The following OTOF variants were observed in gnomAD, a reference collection of about 807,000 sequenced individuals.
OTOF encodes fer-1-like family member 2.
A neutral mutation model predicts 236.8 loss-of-function variants in OTOF; 218 were observed. The ratio of observed to expected loss-of-function variants is 0.92; its 90% confidence interval spans 0.82 to 1.03. OTOF has a LOEUF of 1.03. Ranked by LOEUF, OTOF falls within the 50% of genes least tolerant of loss-of-function variation. OTOF has a pLI of 0.00. For synonymous variants in OTOF, 1,041 were observed against 1,072.5 expected, an observed-to-expected ratio of 0.97 and a Z score of 0.57; for missense variants, 2,590 against 2,694.4, an observed-to-expected ratio of 0.96 and a Z score of 0.86.
intron 30 of OTOF, chr2:26,472,197 C>G (rs1043950814): frequency 4.9e-6 from 2 of 410,820 alleles, no homozygotes; most frequent in Non-Finnish European, 9.3e-6. Context: ...CATACATGCA[C>G]GATGCACATA....
intron 13 of OTOF, among the ~76,000 whole-genome samples, chr2:26,483,051 ATG>A (rs1279265663): frequency 2.3e-5 from 2 of 86,882 alleles, no homozygotes; most frequent in African/African-American, 9.1e-5. Context: ...GCATGTGTGC[ATG>A]TGTGAGTGGG....
At chr2:26,512,033 G>T (rs577162939) in intron 5 of OTOF, among the ~76,000 whole-genome samples, 1 of 152,278 alleles carries the variant, frequency 6.6e-6, no homozygotes, top group African/African-American at 2.4e-5. Flanking sequence ...CCTGGCTTCT[G>T]CAGGCCTCCA....
In OTOF at chr2:26,457,782, A is replaced by G; in HGVS notation, c.*456T>C. ...GGGTGGCGCCTCAGCCAGGTGGGGC[A>G]AGAGAGACCCATTCCAGGTCCCCAC... is the stretch of plus-strand genomic sequence containing the variant. On this transcript the variant is annotated 3_prime_UTR_variant, in exon 47 of 47. Transcript: ENST00000272371. The surrounding 1 kb of genome is among the most constrained non-coding windows in gnomAD (Gnocchi z 4.4). The G allele has an allele frequency of 2.0e-6, 1 of 502,600 alleles. No individual in the cohort carries two copies. The highest frequency in any genetic ancestry group is 3.6e-6 in the Non-Finnish European group (1 of 281,328). 31.1% of individuals were successfully genotyped at this position (502,600 alleles called of 1,614,324 possible). A position where few individuals can be genotyped will look rare whatever the true frequency, so the allele number is the denominator to read the frequency against.
chr2:26,557,985 G>A (rs1379860956), intron 1 of OTOF, among the ~76,000 whole-genome samples: 1 of 151,868 alleles, frequency 6.6e-6, no homozygotes, highest in African/African-American at 2.4e-5. Context: ...GGGCTCCCGG[G>A]GTTCCCGCCC....
At chr2:26,527,601 G>A (rs1305098377) in intron 3 of OTOF, among the ~76,000 whole-genome samples, 1 of 152,248 alleles carries the variant, frequency 6.6e-6, no homozygotes, top group Non-Finnish European at 1.5e-5. Context: ...GGAGGGTGGA[G>A]TGTTCTTGGC....
At chr2:26,479,734 GT>G in intron 16 of OTOF, 81 bp from the exon 17 acceptor site, 2 of 1,419,950 alleles carry the variant, frequency 1.4e-6, no homozygotes, top group Non-Finnish European at 2.0e-6. Flanking sequence ...GCTGCCTTGG[GT>G]TTGGGAAAGG....
At chr2:26,472,420 A>G in intron 30 of OTOF, 99 bp downstream of exon 30, 1 of 1,456,638 alleles carries the variant, frequency 6.9e-7, no homozygotes, top group Admixed American at 1.7e-5. Flanking sequence ...GGAGGCTCTT[A>G]GTGTCCTTTT....
At chr2:26,544,276 G>A (rs539259487) in intron 1 of OTOF, among the ~76,000 whole-genome samples, 8 of 152,074 alleles carry the variant, frequency 5.3e-5, no homozygotes, top group South Asian at 4.2e-4. Context: ...CCTGTATACC[G>A]CCACACAATC....
chr2:26,553,815 C>A (rs984254948), intron 1 of OTOF, among the ~76,000 whole-genome samples: 2 of 152,174 alleles, frequency 1.3e-5, no homozygotes, highest in African/African-American at 4.8e-5. Flanking sequence ...CCCTAACTGA[C>A]TCTGGCTTAC....
chr2:26,476,352 G>T (rs199922515), intron 22 of OTOF, 35 bp from the exon 23 acceptor site: 7 of 1,588,932 alleles, frequency 4.4e-6, no homozygotes, highest in Non-Finnish European at 5.1e-6. Context: ...GGAGCCTGAC[G>T]GCTGCCAGGG....
At chr2:26,474,400 A>AC in intron 26 of OTOF, 113 bp downstream of exon 26, 1 of 78,096 alleles carries the variant, frequency 1.3e-5, no homozygotes, top group Admixed American at 3.2e-4. Context: ...CCCAGGCCCC[A>AC]CCCCCAGGCC....
At chr2:26,497,344 C>T (rs1666013631) in intron 8 of OTOF, among the ~76,000 whole-genome samples, 1 of 152,188 alleles carries the variant, frequency 6.6e-6, no homozygotes, top group Non-Finnish European at 1.5e-5. Context: ...ATCCACCTGC[C>T]TTGGCTTCCC....
chr2:26,535,194 G>A (rs1667041028), intron 2 of OTOF, among the ~76,000 whole-genome samples: 1 of 152,204 alleles, frequency 6.6e-6, no homozygotes, highest in Non-Finnish European at 1.5e-5. Context: ...GCCTTGCAGG[G>A]GTGGTGGGAG....
chr2:26,503,035 A>AT (rs1242183604), intron 6 of OTOF, among the ~76,000 whole-genome samples: 1 of 151,888 alleles, frequency 6.6e-6, no homozygotes, highest in Non-Finnish European at 1.5e-5. Flanking sequence ...TACTCTCTCC[A>AT]TTTAAGAAGG....
At chr2:26,510,669 G>A (rs1382144025) in intron 5 of OTOF, 1 of 1,271,540 alleles carries the variant, frequency 7.9e-7, no homozygotes, top group South Asian at 1.2e-5. Flanking sequence ...TCTCCCCAGA[G>A]ACGCTGTTGC....
At chr2:26,482,724 T>A (rs1366747045) in intron 13 of OTOF, 132 bp from the exon 14 acceptor site, 1 of 706,424 alleles carries the variant, frequency 1.4e-6, no homozygotes, top group Non-Finnish European at 2.4e-6. Flanking sequence ...TGCATGCGTG[T>A]GTGAGTGGAT....
rs1440219884 is a variant in OTOF at position 26,467,371 on chromosome 2, C to T, written c.4221G>A (p.Glu1407=). 1.2e-6 allele frequency: 2 copies of T among 1,613,870 alleles called. No individual in the cohort carries two copies. The highest frequency in any genetic ancestry group is 1.7e-6 in the Non-Finnish European group (2 of 1,180,006). The change falls in exon 34 of 47, where the codon GAG becomes GAA. Residue 1407 remains glutamate (E), a synonymous_variant. Transcript: ENST00000272371. ...TCTGCTCCTAGGCTCTCACCTTAAGCTCATCAATCTTGGGTTTCTTCTTCT... is the reference window on the plus strand; with the variant it reads ...TCTGCTCCTAGGCTCTCACCTTAAGTTCATCAATCTTGGGTTTCTTCTTCT... The part of the protein sequence containing the change: ...APEKKKPKID[E]LKVYPKELES...
rs143184716 is a variant in OTOF, at chr2:26,464,875, C to G, written c.4954G>C (p.Glu1652Gln). 35 of 1,602,936 alleles carry G rather than the reference C, an allele frequency of 2.2e-5. No homozygotes were observed. The Admixed American group carries it at 5.6e-4, about 26-fold the overall frequency. Residue 1652 changes from glutamate to glutamine, a missense_variant, in exon 39 of 47, where the codon GAG becomes CAG. Physicochemically the swap from Glu to Gln is conservative, Grantham distance 29 (BLOSUM62 2). Around this residue, in one of 2 missense-constraint regions of OTOF, gnomAD observed 1,211 missense variants for 1,352.8 expected, o/e 0.90. Coordinates refer to ENST00000272371, the MANE Select transcript of OTOF (RefSeq NM_194248.3). The stretch of plus-strand genomic sequence containing the variant: ...GCATCCAGTGCCCCATTACCGTTCT[C>G]GTCCTCAATCTCAGAGGGCCCAGTG... ...VFTGPSEIEDENGQRKPTDEH... is the reference protein window; with the variant it reads ...VFTGPSEIEDQNGQRKPTDEH...
At chr2:26,471,937 G>A (rs973360350) in intron 30 of OTOF, among the ~76,000 whole-genome samples, 3 of 150,808 alleles carry the variant, frequency 2.0e-5, no homozygotes, top group Admixed American at 2.0e-4. Flanking sequence ...CCTACCACCC[G>A]CATGCATGCA....
Sources: allele counts gnomAD v4.1 joint callset (sites outside exome capture counted in the v4.1 genomes callset), GRCh38; gene constraint gnomAD v4.1.1; regional missense constraint gnomAD v4.1.1; non-coding constraint Gnocchi (gnomAD v3.1); transcripts MANE v1.5; gene names NCBI Gene and HGNC (gene_info 2026-07-23, HGNC 2026-07-21).